Variants in GABRA3 observed in about 807,000 individuals in gnomAD.
The protein encoded by GABRA3 is gamma-aminobutyric acid receptor subunit alpha-3.
In GABRA3, 10 loss-of-function variants were observed where a neutral mutation model predicts 30.1. The ratio of observed to expected loss-of-function variants is 0.33; its 90% CI spans 0.20 to 0.56. The LOEUF (loss-of-function observed/expected upper bound fraction) is 0.56, where lower values mean the gene tolerates loss of function less well. Among genes scored for constraint, GABRA3 ranks in the 20% least tolerant of loss-of-function variants. GABRA3 has a pLI of 0.89. For synonymous variants in GABRA3, 151 were observed against 146.8 expected (o/e 1.03, Z -0.21); for missense variants, 233 against 392.0 (o/e 0.59, Z 3.42).
At chrX:152,216,941 T>G (rs775516431) in intron 6 of GABRA3, among the ~76,000 whole-genome samples, 35 of 110,921 alleles carry the variant, frequency 3.2e-4, no homozygotes, top group Non-Finnish European at 6.5e-4. Flanking sequence ...GTATACACAC[T>G]TATTTGTCAA....
intron 2 of GABRA3, among the ~76,000 whole-genome samples, chrX:152,351,945 A>T (rs997507949): frequency 3.6e-5 from 4 of 111,630 alleles, no homozygotes; most frequent in African/African-American, 1.3e-4. Context: ...TGGAATAATC[A>T]GTCAGAGCAA....
At chrX:152,355,412 G>C (rs999740439) in intron 2 of GABRA3, among the ~76,000 whole-genome samples, 12 of 111,257 alleles carry the variant, frequency 1.1e-4, no homozygotes, top group South Asian at 3.8e-4. Flanking sequence ...AAGATCAGAG[G>C]AAGACGAAAA....
At chrX:152,381,062 T>G (rs868573364) in intron 1 of GABRA3, among the ~76,000 whole-genome samples, 1 of 111,565 alleles carries the variant, frequency 9.0e-6, no homozygotes, top group Non-Finnish European at 1.9e-5. Flanking sequence ...CCCCTCAGAT[T>G]TGATCTCCTT....
chrX:152,175,590 AGC>A (rs1372858683), intron 9 of GABRA3, among the ~76,000 whole-genome samples: 1 of 111,839 alleles, frequency 8.9e-6, no homozygotes, highest in Admixed American at 9.5e-5. Flanking sequence ...AAGCACATAA[AGC>A]AGGGCAGTGC....
At chrX:152,231,223 G>A (rs181917389) in intron 5 of GABRA3, among the ~76,000 whole-genome samples, 9 of 103,225 alleles carry the variant, frequency 8.7e-5, no homozygotes, top group South Asian at 4.2e-4. Flanking sequence ...ATACATACAC[G>A]TATATATACA....
Position 152,384,877 on chromosome X carries a change from A to G in GABRA3, c.-26-20281T>C, listed in dbSNP as rs111307744. ...TATCTGATAAAGAAACATTATCCAA[A>G]GAATTCCTACAACATCATAAGAAAA... On this transcript the variant is annotated intron_variant, in intron 1 of 9. Transcript: ENST00000370314. Among the ~76,000 whole-genome samples the G allele has an allele frequency of 2.8e-3, 309 of 112,072 alleles. 2 individuals carry two copies. The highest frequency in any genetic ancestry group is 9.7e-3 in the African/African-American group (301 of 30,903).
chrX:152,332,336 G>C (rs1029284771), intron 3 of GABRA3, among the ~76,000 whole-genome samples: 1 of 111,405 alleles, frequency 9.0e-6, no homozygotes, highest in Non-Finnish European at 1.9e-5. Context: ...CCTTTTTCTG[G>C]TGGAGAGTGA....
At chrX:152,292,260 G>A (rs1407657280) in intron 3 of GABRA3, among the ~76,000 whole-genome samples, 3 of 111,433 alleles carry the variant, frequency 2.7e-5, no homozygotes, top group Non-Finnish European at 5.7e-5. Context: ...TGTATGTGTC[G>A]AGGAATTTAT....
At chrX:152,324,596 T>C (rs1332201392) in intron 3 of GABRA3, among the ~76,000 whole-genome samples, 1 of 111,934 alleles carries the variant, frequency 8.9e-6, no homozygotes, top group Non-Finnish European at 1.9e-5. Flanking sequence ...AGTAGGTCAA[T>C]ATAAAACACT....
At chrX:152,434,123 C>A (rs1930717768) in intron 1 of GABRA3, among the ~76,000 whole-genome samples, 1 of 111,164 alleles carries the variant, frequency 9.0e-6, no homozygotes, top group Non-Finnish European at 1.9e-5. Context: ...AAGTATTGAT[C>A]CTGGGTGTAT....
chrX:152,242,783 C>T (rs1938403484), intron 5 of GABRA3, among the ~76,000 whole-genome samples: 1 of 111,364 alleles, frequency 9.0e-6, no homozygotes, highest in Non-Finnish European at 1.9e-5. Context: ...TTTCATACGG[C>T]CATTATAAAA....
chrX:152,414,313 T>C (rs1930150939), intron 1 of GABRA3, among the ~76,000 whole-genome samples: 1 of 111,431 alleles, frequency 9.0e-6, no homozygotes, highest in African/African-American at 3.3e-5. Flanking sequence ...CAATTACTGG[T>C]ATCAAGTACT....
chrX:152,185,168 T>G (rs1937235939), intron 9 of GABRA3, among the ~76,000 whole-genome samples: 1 of 111,450 alleles, frequency 9.0e-6, no homozygotes, highest in South Asian at 3.8e-4. Context: ...CACTTCAAAT[T>G]TTTTTCTGTT....
At chrX:152,368,360 T>A (rs911444642) in intron 1 of GABRA3, among the ~76,000 whole-genome samples, 6 of 111,473 alleles carry the variant, frequency 5.4e-5, no homozygotes, top group Admixed American at 9.6e-5. Flanking sequence ...CTTTTTTAGA[T>A]TAATCCACAT....
chrX:152,415,361 A>T (rs1048690380), intron 1 of GABRA3, among the ~76,000 whole-genome samples: 12 of 111,446 alleles, frequency 1.1e-4, no homozygotes, highest in South Asian at 3.7e-4. Flanking sequence ...AGCCAATTTT[A>T]AAAAAGTTAC....
At chrX:152,182,598 ATATATAC>A (rs1937178406) in intron 9 of GABRA3, among the ~76,000 whole-genome samples, 3 of 18,580 alleles carry the variant, frequency 1.6e-4, no homozygotes, top group African/African-American at 7.3e-4. Flanking sequence ...TATACACACT[ATATATAC>A]TATATATGCA....
At chrX:152,282,346 A>G (rs1016217465) in intron 4 of GABRA3, among the ~76,000 whole-genome samples, 5 of 111,207 alleles carry the variant, frequency 4.5e-5, no homozygotes, top group Non-Finnish European at 9.4e-5. Flanking sequence ...CCAAAGTCAG[A>G]AGACTGCCTA....
intron 5 of GABRA3, among the ~76,000 whole-genome samples, chrX:152,228,467 C>A (rs1287132448): frequency 4.5e-5 from 5 of 111,544 alleles, no homozygotes; most frequent in Non-Finnish European, 7.5e-5. Flanking sequence ...TGATCTTATT[C>A]TCCATGTCCC....
At chrX:152,315,485 C>T (rs1023497774) in intron 3 of GABRA3, among the ~76,000 whole-genome samples, 3 of 111,039 alleles carry the variant, frequency 2.7e-5, no homozygotes, top group Admixed American at 1.9e-4. Flanking sequence ...TCCATCCAAA[C>T]GTGAAGTTTC....
Sources: allele counts gnomAD v4.1 joint callset (sites outside exome capture counted in the v4.1 genomes callset), GRCh38; gene constraint gnomAD v4.1.1; transcripts MANE v1.5; gene names NCBI Gene and HGNC (gene_info 2026-07-23, HGNC 2026-07-21).